Variants in ISY1 observed in about 807,000 individuals in gnomAD.
ISY1 encodes the protein ISY1 spliceosome associated protein, also known as pre-mRNA-splicing factor ISY1 homolog.
ISY1 carries 12 observed loss-of-function variants against 54.4 expected under a neutral mutation model. That is an observed-to-expected ratio of 0.22 (90% CI 0.14 to 0.36). The LOEUF is 0.36. ISY1 is among the 10% of genes least tolerant of loss of function. ISY1 has a pLI of 1.00. For missense variants in ISY1, 282 were observed against 342.2 expected, an observed-to-expected ratio of 0.82 and a Z score of 1.39; for synonymous variants, 96 against 117.9, an observed-to-expected ratio of 0.81 and a Z score of 1.20.
At chr3:129,133,207 A>G (rs766450504) in intron 9 of ISY1, among the ~76,000 whole-genome samples, 2 of 152,254 alleles carry the variant, frequency 1.3e-5, no homozygotes, top group South Asian at 2.1e-4. Flanking sequence ...GCACAGACAG[A>G]TATGTCAAGA....
chr3:129,130,635 G>A lies in ISY1; in HGVS notation c.665C>T (p.Ser222Leu), dbSNP rs183724287. ...TTTCTCCTGGCTGCCTTCCTCGTCC[G>A]ACTACAAACAGAACAAACGAAAGTC... ...INIYAVTEEE[S>L]DEEGSQEKGG... The change falls in exon 10 of 11, where the codon TCG (serine) becomes TTG (leucine). Residue 222 changes from serine (S) to leucine (L), a missense_variant and splice_region_variant. Ser to Leu is a moderately radical substitution (Grantham distance 145). Coordinates refer to ENST00000393295, the MANE Select transcript of ISY1 (RefSeq NM_020701.4). 81 of 1,613,816 alleles carry A rather than the reference G, an allele frequency of 5.0e-5. No homozygotes were observed. The Admixed American group carries it at 1.2e-3, about 23-fold the overall frequency.
intron 8 of ISY1, among the ~76,000 whole-genome samples, chr3:129,134,573 C>T (rs550454259): frequency 3.9e-5 from 6 of 152,252 alleles, no homozygotes; most frequent in East Asian, 1.9e-4. Flanking sequence ...GGTATTAGCA[C>T]GAATCCACAT....
chr3:129,148,696 T>C (rs1420548112), intron 5 of ISY1, among the ~76,000 whole-genome samples: 1 of 152,138 alleles, frequency 6.6e-6, no homozygotes, highest in Non-Finnish European at 1.5e-5. Flanking sequence ...TCCCAAGTAG[T>C]TGGGATTACA....
rs754975273 is a variant in ISY1 at position 129,130,553 on chromosome 3, T to C, written c.747A>G (p.Gln249=). The C allele has an allele frequency of 3.1e-6, 5 of 1,613,996 alleles. No individual in the cohort carries two copies. In the East Asian group the frequency reaches 6.7e-5, roughly 22 times the overall value. Reference sequence around the variant, plus strand: ...CAGCTCTTAGCTGTGGTCCTACCTCTTGCTGCGAGGGAACAGGGACGTGAG... The same window carrying C: ...CAGCTCTTAGCTGTGGTCCTACCTCCTGCTGCGAGGGAACAGGGACGTGAG... ...FIAHVPVPSQ[Q]EIEEALVRRK... Residue 249 remains glutamine (Q), a synonymous_variant, in exon 10 of 11, where the codon CAA becomes CAG. Transcript: ENST00000393295.
intron 5 of ISY1, among the ~76,000 whole-genome samples, chr3:129,149,788 C>CAAA (rs369302599): frequency 3.6e-4 from 30 of 83,532 alleles, no homozygotes; most frequent in South Asian, 5.0e-4. Context: ...GACTCCAACT[C>CAAA]AAAAAAAAAA....
chr3:129,129,741 C>T lies in ISY1; in HGVS notation c.*340G>A, dbSNP rs1936185634. ...GCATTTTTTAAAATTATACTTTGGT[C>T]TGCAAAAAATTGCATTTTTAAATGT... On this transcript the variant is annotated 3_prime_UTR_variant, in exon 11 of 11. Transcript: ENST00000393295. 1 of 195,716 alleles carries T rather than the reference C, an allele frequency of 5.1e-6. No individual in the cohort carries two copies. The highest frequency in any genetic ancestry group is 1.0e-5 in the Non-Finnish European group (1 of 97,392). 12.1% of individuals were successfully genotyped at this position (195,716 alleles called of 1,614,324 possible).
At chr3:129,160,606 CAT>C (rs1937277778) in intron 1 of ISY1, among the ~76,000 whole-genome samples, 1 of 152,066 alleles carries the variant, frequency 6.6e-6, no homozygotes, top group African/African-American at 2.4e-5. Context: ...ATCCCAGAAA[CAT>C]ATAGTCACAA....
At chr3:129,152,686 G>A (rs1001690610) in intron 5 of ISY1, among the ~76,000 whole-genome samples, 17 of 151,972 alleles carry the variant, frequency 1.1e-4, no homozygotes, top group African/African-American at 3.9e-4. Flanking sequence ...AATTACAGGC[G>A]TGAGCCACCG....
intron 7 of ISY1, among the ~76,000 whole-genome samples, chr3:129,137,572 C>A (rs987283580): frequency 6.6e-6 from 1 of 152,118 alleles, no homozygotes; most frequent in Non-Finnish European, 1.5e-5. Context: ...GTGGCTCACT[C>A]CTGTAATCCT....
Position 129,129,800 on chromosome 3 carries a change from G to A in ISY1, c.*281C>T. The stretch of plus-strand genomic sequence containing the variant: ...AATTGATTCTTCTCCCCTCAAAATG[G>A]CAGTGCAAGTCAAAATAAGACACAG... On this transcript the variant is annotated 3_prime_UTR_variant, in exon 11 of 11. Coordinates refer to ENST00000393295, the MANE Select transcript of ISY1 (RefSeq NM_020701.4). 3.2e-6 allele frequency: 1 copy of A among 316,880 alleles called. No homozygotes were observed. The highest frequency in any genetic ancestry group is 5.7e-6 in the Non-Finnish European group (1 of 174,968). The allele number at this position is 316,880 out of a possible 1,614,324, so 19.6% of individuals were successfully genotyped here.
At chr3:129,132,743 C>T (rs1412589198) in intron 9 of ISY1, among the ~76,000 whole-genome samples, 7 of 152,210 alleles carry the variant, frequency 4.6e-5, no homozygotes, top group Non-Finnish European at 1.0e-4. Flanking sequence ...GGCTGGCTCA[C>T]AGGAGCCATG....
At chr3:129,158,387 A>T (rs1299518873) in intron 3 of ISY1, 121 bp downstream of exon 3, 3 of 1,369,732 alleles carry the variant, frequency 2.2e-6, no homozygotes, top group Non-Finnish European at 3.1e-6. Context: ...TCAAACTCCT[A>T]GACTCAAGTG....
intron 1 of ISY1, 83 bp from the exon 2 acceptor site, chr3:129,159,259 TA>T (rs1351096005): frequency 6.5e-7 from 1 of 1,540,164 alleles, no homozygotes; most frequent in African/African-American, 1.4e-5. Flanking sequence ...TGAAAAGTTT[TA>T]CAAGAATACA....
At chr3:129,136,263 A>T (rs1177482918) in intron 7 of ISY1, among the ~76,000 whole-genome samples, 2 of 150,832 alleles carry the variant, frequency 1.3e-5, no homozygotes, top group African/African-American at 4.9e-5. Context: ...CACCACACCC[A>T]GCTAATTTTT....
intron 1 of ISY1, among the ~76,000 whole-genome samples, chr3:129,160,559 A>G (rs1937276660): frequency 6.6e-6 from 1 of 152,134 alleles, no homozygotes; most frequent in Non-Finnish European, 1.5e-5. Flanking sequence ...ATGTCTGTAT[A>G]TTATGGAGCA....
intron 2 of ISY1, 93 bp downstream of exon 2, chr3:129,159,061 G>A: frequency 6.8e-7 from 1 of 1,476,668 alleles, no homozygotes; most frequent in South Asian, 1.2e-5. Flanking sequence ...CTTCTCAAAA[G>A]GCTCAGATAC....
intron 7 of ISY1, among the ~76,000 whole-genome samples, chr3:129,135,962 T>C (rs1422779467): frequency 6.6e-6 from 1 of 151,944 alleles, no homozygotes; most frequent in Non-Finnish European, 1.5e-5. Context: ...ACAGGAACTG[T>C]CATAATGTTT....
At chr3:129,160,917 C>CGCCCCCGGGGGGGGGGGG in intron 1 of ISY1, 56 bp downstream of exon 1, 1 of 668,474 alleles carries the variant, frequency 1.5e-6, no homozygotes, top group Admixed American at 2.1e-5. Flanking sequence ...GTGGACTGGG[C>CGCCCCCGGGGGGGGGGGG]GCCCCCCCGC....
Position 129,159,191 on chromosome 3 carries a change from A to T in ISY1, c.4-15T>A. On this transcript the variant is annotated splice_polypyrimidine_tract_variant and intron_variant, in intron 1 of 10. Transcript: ENST00000393295. ...GCATTTCGGGCCTGGAAAGAGAGAA[A>T]AGAGAAGAAAAATGTCCATGTTTAA... 6.3e-7 allele frequency: 1 copy of T among 1,595,944 alleles called. No homozygotes were observed. The highest frequency in any genetic ancestry group is 8.5e-7 in the Non-Finnish European group (1 of 1,176,072).
Sources: gnomAD v4.1 joint callset for allele counts (sites outside exome capture counted in the v4.1 genomes callset) on GRCh38, gnomAD v4.1.1 for gene constraint, MANE v1.5 for transcripts, NCBI Gene and HGNC (gene_info 2026-07-23, HGNC 2026-07-21) for gene names.